Variants in AGAP4 observed in about 807,000 individuals in gnomAD.
The protein encoded by AGAP4 is arf-GAP with GTPase, ANK repeat and PH domain-containing protein 4.
In AGAP4, 13 loss-of-function variants were observed where a neutral mutation model predicts 60.7. The ratio of observed to expected loss-of-function variants is 0.21; its 90% CI spans 0.14 to 0.34. The LOEUF (loss-of-function observed/expected upper bound fraction) is 0.34. Among genes scored for constraint, AGAP4 ranks in the 10% least tolerant of loss-of-function variants. AGAP4 has a pLI of 1.00. For missense variants in AGAP4, 169 were observed against 884.0 expected (o/e 0.19, Z 10.26); for synonymous variants, 70 against 339.0 (o/e 0.21, Z 8.72).
At chr10:45,853,992 T>C (rs2059112726), upstream of AGAP4, 2 of 700,068 alleles carry the variant, frequency 2.9e-6, no homozygotes, top group African/African-American at 3.8e-5. Flanking sequence ...TTAATTCTAC[T>C]GGAGATGAGT....
upstream of AGAP4, among the ~76,000 whole-genome samples, chr10:45,849,584 A>G (rs2059057345): frequency 6.6e-6 from 1 of 150,926 alleles, no homozygotes; most frequent in South Asian, 2.1e-4. Context: ...ATGTATAGAA[A>G]TACAATTGAT....
intron 4 of AGAP4, among the ~76,000 whole-genome samples, chr10:45,834,400 G>A (rs1464479950): frequency 7.0e-6 from 1 of 142,362 alleles, no homozygotes; most frequent in African/African-American, 2.9e-5. Flanking sequence ...GCTTCGCGGG[G>A]CACGGTGGCT....
Position 45,827,001 on chromosome 10 carries a change from AT to A in AGAP4, c.974del (p.Asn325IlefsTer23). Reference sequence around the variant, plus strand: ...GAAGGTCAATCTCTTTTTTATGAATATTCTTCATATAATCACCTAAGCTTGA... The same window carrying A: ...GAAGGTCAATCTCTTTTTTATGAATATCTTCATATAATCACCTAAGCTTGA... ...YYSSLGDYMKNIHKKEIDLQT... is the reference protein window; with the variant it reads ...YYSSLGDYMKXIHKKEIDLQT... On this transcript the variant is annotated frameshift_variant, in exon 8 of 8. Coordinates refer to ENST00000616763, the MANE Select transcript of AGAP4 (RefSeq NM_001276343.3). LOFTEE classifies it high-confidence loss of function. 1 of 1,311,474 alleles carries A rather than the reference AT, an allele frequency of 7.6e-7. No individual in the cohort carries two copies. The highest frequency in any genetic ancestry group is 1.1e-6 in the Non-Finnish European group (1 of 949,314). The allele number at this position is 1,311,474 out of a possible 1,614,324, so 81.2% of individuals were successfully genotyped here.
upstream of AGAP4, chr10:45,847,761 CCCACA>C (rs1235099419): frequency 3.4e-6 from 4 of 1,173,456 alleles, no homozygotes; most frequent in African/African-American, 6.4e-5. Flanking sequence ...AATGCCCCAC[CCCACA>C]CTTCACAATG....
rs2059015681 is a variant in AGAP4, at chr10:45,847,286, TGCTGCTGGTCAAA to T, written c.49_61del (p.Phe17ArgfsTer34). 2 of 1,597,646 alleles carry T rather than the reference TGCTGCTGGTCAAA, an allele frequency of 1.3e-6. No homozygotes were observed. Among genetic ancestry groups the T allele is most frequent in the African/African-American group, 2.7e-5 (2 of 74,870 alleles). On this transcript the variant is annotated frameshift_variant, in exon 1 of 8. Transcript: ENST00000616763. LOFTEE classifies it high-confidence loss of function. Reference sequence around the variant, plus strand: ...AGATTCAGAGGGACACACCGACCCCTGCTGCTGGTCAAACTCGAGGCTGACGCTAGGGTGCACA... The same window carrying T: ...AGATTCAGAGGGACACACCGACCCCTCTCGAGGCTGACGCTAGGGTGCACA...
intron 6 of AGAP4, among the ~76,000 whole-genome samples, chr10:45,828,559 GAACTTTA>G (rs1374589208): frequency 3.4e-5 from 5 of 147,596 alleles, no homozygotes; most frequent in African/African-American, 4.9e-5. Flanking sequence ...AGTCTTTGAT[GAACTTTA>G]AACTTTGTAA....
chr10:45,842,595 C>T (rs1164056399), intron 3 of AGAP4, among the ~76,000 whole-genome samples: 1 of 148,892 alleles, frequency 6.7e-6, no homozygotes, highest in Non-Finnish European at 1.5e-5. Flanking sequence ...ATGGTGTCTG[C>T]AGCACAAAAA....
chr10:45,847,950 T>C (rs1249854869), upstream of AGAP4: 19 of 1,039,778 alleles, frequency 1.8e-5, no homozygotes, highest in African/African-American at 2.4e-4. Flanking sequence ...CCTGAGATTT[T>C]AGTCCTAAGA....
chr10:45,835,232 C>T (rs2058799574), intron 4 of AGAP4, among the ~76,000 whole-genome samples: 1 of 104,410 alleles, frequency 9.6e-6, no homozygotes, highest in African/African-American at 4.2e-5. Context: ...GTTTCAGATT[C>T]AGAGGCTCTG....
exon 1 of AGAP4, chr10:45,853,777 T>C (rs2059110784): frequency 7.8e-7 from 1 of 1,287,716 alleles, no homozygotes; most frequent in Non-Finnish European, 1.0e-6. Flanking sequence ...TGGACAAAGT[T>C]TGTGAAGGCA....
upstream of AGAP4, chr10:45,854,062 T>C (rs1315350678): frequency 3.8e-5 from 13 of 341,844 alleles, no homozygotes; most frequent in Non-Finnish European, 5.2e-5. Context: ...GGGCAGACAA[T>C]AGCTACGACC....
upstream of AGAP4, chr10:45,854,029 C>T (rs1231352707): frequency 2.9e-5 from 12 of 409,190 alleles, no homozygotes; most frequent in Admixed American, 9.1e-5. Flanking sequence ...AACAGGATCA[C>T]AAATTATTAT....
At chr10:45,851,176 T>G (rs1431012738), upstream of AGAP4, among the ~76,000 whole-genome samples, 3 of 151,914 alleles carry the variant, frequency 2.0e-5, no homozygotes, top group African/African-American at 7.3e-5. Context: ...GTGACTGCCC[T>G]GAGAAGCTGT....
intron 5 of AGAP4, 44 bp from the exon 6 acceptor site, chr10:45,831,473 T>C: frequency 6.3e-7 from 1 of 1,584,872 alleles, no homozygotes. Flanking sequence ...TTAACATTTG[T>C]TAGGCCTGAA....
chr10:45,849,473 G>GATGATGATTATTATT (rs1554900083), upstream of AGAP4, among the ~76,000 whole-genome samples: 10 of 145,058 alleles, frequency 6.9e-5, no homozygotes, highest in South Asian at 4.4e-4. Context: ...TGATGATGAT[G>GATGATGATTATTATT]ATTATTATTA....
At chr10:45,834,798 G>T (rs1364109077) in intron 4 of AGAP4, among the ~76,000 whole-genome samples, 1 of 144,132 alleles carries the variant, frequency 6.9e-6, no homozygotes. Context: ...TTTTGAGACG[G>T]AGTCTCGCTC....
chr10:45,853,994 G>A, upstream of AGAP4: 2 of 700,300 alleles, frequency 2.9e-6, no homozygotes, highest in Middle Eastern at 6.3e-4. Context: ...AATTCTACTG[G>A]AGATGAGTGA....
In AGAP4 at chr10:45,841,689, TAAG is replaced by T; in HGVS notation, c.362-5_362-3del. ...AGTTGCTTCTTCTTATTTCTACAAC[TAAG>T]AATAAAAAAAAAAAAACTGGTCACT... On this transcript the variant is annotated splice_polypyrimidine_tract_variant and splice_region_variant and intron_variant, in intron 3 of 7. Coordinates refer to ENST00000616763, the MANE Select transcript of AGAP4 (RefSeq NM_001276343.3). The T allele has an allele frequency of 1.1e-6, 1 of 887,094 alleles. No homozygotes were observed. The highest frequency in any genetic ancestry group is 1.6e-6 in the Non-Finnish European group (1 of 615,516). 55.0% of individuals were successfully genotyped at this position (887,094 alleles called of 1,614,324 possible). A position where few individuals can be genotyped will look rare whatever the true frequency, so the allele number is the denominator to read the frequency against.
At chr10:45,842,562 T>C (rs2058936400) in intron 3 of AGAP4, among the ~76,000 whole-genome samples, 2 of 149,116 alleles carry the variant, frequency 1.3e-5, no homozygotes, top group South Asian at 2.1e-4. Flanking sequence ...GATGTTAAAA[T>C]AAGTATACAA....
Sources: gnomAD v4.1 joint callset for allele counts (sites outside exome capture counted in the v4.1 genomes callset) on GRCh38, gnomAD v4.1.1 for gene constraint, MANE v1.5 for transcripts, NCBI Gene and HGNC (gene_info 2026-07-23, HGNC 2026-07-21) for gene names.